SEMA5B: variants seen among roughly 807,000 people sequenced by gnomAD.
The protein encoded by SEMA5B is semaphorin 5B.
A neutral mutation model predicts 135.0 loss-of-function variants in SEMA5B; 66 were observed. The observed-to-expected ratio is 0.49, with a 90% CI of 0.40 to 0.60. The LOEUF (loss-of-function observed/expected upper bound fraction) is 0.60. Among genes scored for constraint, SEMA5B ranks in the 20% least tolerant of loss-of-function variants. SEMA5B has a pLI of 0.00. For missense variants in SEMA5B, 1,501 were observed against 1,566.3 expected, an observed-to-expected ratio of 0.96 and a Z score of 0.70; for synonymous variants, 690 against 639.5, an observed-to-expected ratio of 1.08 and a Z score of -1.19.
At chr3:123,019,154 C>T (rs1258078316) in intron 1 of SEMA5B, among the ~76,000 whole-genome samples, 1 of 152,156 alleles carries the variant, frequency 6.6e-6, no homozygotes, top group Non-Finnish European at 1.5e-5. Context: ...AGAGTTAACA[C>T]CAAGAGGATT....
chr3:123,016,363 CA>C (rs1942556801), intron 1 of SEMA5B, among the ~76,000 whole-genome samples: 1 of 152,202 alleles, frequency 6.6e-6, no homozygotes. Flanking sequence ...CTCAAATGCA[CA>C]AATGTTCAAG....
At chr3:122,994,249 A>G (rs1355283525) in intron 1 of SEMA5B, among the ~76,000 whole-genome samples, 1 of 151,924 alleles carries the variant, frequency 6.6e-6, no homozygotes, top group Non-Finnish European at 1.5e-5. Context: ...TATAGTGGGG[A>G]GTAGAGGATA....
intron 1 of SEMA5B, among the ~76,000 whole-genome samples, chr3:122,966,536 T>TTTATTATTA (rs140866804): frequency 0.036 from 5,105 of 141,466 alleles, 270 homozygotes; most frequent in African/African-American, 0.12. Flanking sequence ...TGTAAGAATG[T>TTTATTATTA]TTATTATTAT....
intron 14 of SEMA5B, 31 bp downstream of exon 14, chr3:122,915,409 C>A (rs944558921): frequency 1.9e-6 from 3 of 1,574,482 alleles, no homozygotes; most frequent in African/African-American, 1.3e-5. Context: ...TGGTCCAAGG[C>A]AGACACCATG....
chr3:122,983,720 A>G (rs1459766800), intron 1 of SEMA5B, among the ~76,000 whole-genome samples: 2 of 31,802 alleles, frequency 6.3e-5, no homozygotes, highest in Admixed American at 8.6e-4. Flanking sequence ...TCGTCTCAAA[A>G]AAAAAAAAAA....
At chr3:122,981,601 G>T (rs1941522792) in intron 1 of SEMA5B, among the ~76,000 whole-genome samples, 1 of 152,198 alleles carries the variant, frequency 6.6e-6, no homozygotes, top group Non-Finnish European at 1.5e-5. Flanking sequence ...ACAGCACACC[G>T]AGGACAAAGC....
chr3:122,998,094 A>G (rs1193999292), intron 1 of SEMA5B, among the ~76,000 whole-genome samples: 1 of 152,166 alleles, frequency 6.6e-6, no homozygotes, highest in Non-Finnish European at 1.5e-5. Flanking sequence ...GATGCTGAGG[A>G]GCCTCACAGG....
intron 2 of SEMA5B, chr3:122,958,303 C>G (rs1314331969): frequency 6.6e-6 from 1 of 152,514 alleles, no homozygotes; most frequent in African/African-American, 2.4e-5. Flanking sequence ...CATTCAAAGT[C>G]TCCACTTGGC....
intron 1 of SEMA5B, among the ~76,000 whole-genome samples, chr3:122,970,106 C>T (rs770359084): frequency 2.6e-5 from 4 of 152,172 alleles, no homozygotes; most frequent in African/African-American, 9.7e-5. Flanking sequence ...AGAGCCCGGG[C>T]TGCAAATATG....
intron 9 of SEMA5B, among the ~76,000 whole-genome samples, chr3:122,923,977 A>G (rs988385445): frequency 1.3e-5 from 2 of 152,058 alleles, no homozygotes; most frequent in African/African-American, 2.4e-5. Context: ...CTTCTGTGCT[A>G]CTGCCTCCCT....
intron 12 of SEMA5B, among the ~76,000 whole-genome samples, chr3:122,916,357 T>G (rs192662697): frequency 6.6e-6 from 1 of 152,206 alleles, no homozygotes; most frequent in Non-Finnish European, 1.5e-5. Context: ...GCCTTACAGA[T>G]GGTTCTCAAC....
In SEMA5B at chr3:122,910,394, A is replaced by C. The variant is rs371441982; in HGVS notation, c.3298-93T>G. 4.6e-5 allele frequency: 61 copies of C among 1,337,988 alleles called. No homozygotes were observed. In the East Asian group the frequency reaches 7.1e-4, roughly 16 times the overall value. The allele number at this position is 1,337,988 out of a possible 1,614,324, so 82.9% of individuals were successfully genotyped here. On this transcript the variant is annotated intron_variant, in intron 22 of 22. Coordinates refer to ENST00000357599, the MANE Select transcript of SEMA5B (RefSeq NM_001031702.4). ...CAAGGAGTCCAGAAGCCAGCCGTGC[A>C]AGAACACTCAGACTGCGGATCCAGT...
At chr3:123,002,032 G>C (rs1942188202) in intron 1 of SEMA5B, among the ~76,000 whole-genome samples, 1 of 152,152 alleles carries the variant, frequency 6.6e-6, no homozygotes, top group Non-Finnish European at 1.5e-5. Flanking sequence ...AAATCAGCTA[G>C]ACAACCAAGG....
rs1236242806 is a variant in SEMA5B, at chr3:122,913,580, C to T, written c.2234G>A (p.Arg745Gln). 1.2e-6 allele frequency: 2 copies of T among 1,613,172 alleles called. No individual in the cohort carries two copies. The highest frequency in any genetic ancestry group is 2.2e-5 in the South Asian group (2 of 91,004). Reference protein sequence around the residue: ...SSNCGGGMQSRRRACENGNSC... With the variant: ...SSNCGGGMQSQRRACENGNSC... ...GTTGCCGTTCTCGCAGGCCCGACGCCGCGACTGCATGCCCCCTCCACAGTT... is the reference window on the plus strand; with the variant it reads ...GTTGCCGTTCTCGCAGGCCCGACGCTGCGACTGCATGCCCCCTCCACAGTT... The change falls in exon 16 of 23, where the codon CGG (arginine) becomes CAG (glutamine). Residue 745 changes from arginine to glutamine, a missense_variant. By Grantham distance (43) the Arg-to-Gln change is conservative. Around this residue, in one of 2 missense-constraint regions of SEMA5B, gnomAD observed 927 missense variants for 881.6 expected, o/e 1.05. Transcript: ENST00000357599.
At position 122,941,273 on chromosome 3, in the gene SEMA5B, G is replaced by A. The variant is rs567699900; in HGVS notation, c.429-1803C>T. Among the ~76,000 whole-genome samples the A allele has an allele frequency of 5.3e-5, 8 of 152,322 alleles. No homozygotes were observed. The South Asian group carries it at 1.7e-3, about 32-fold the overall frequency. On this transcript the variant is annotated intron_variant, in intron 4 of 22. Transcript: ENST00000357599. The stretch of plus-strand genomic sequence containing the variant: ...CCTAAGGGACCAGGTCTAGAATTGA[G>A]TTTCCCTGTCCATCTGAGGGCATAG...
chr3:122,954,758 G>T (rs1415625104), intron 2 of SEMA5B, among the ~76,000 whole-genome samples: 1 of 151,550 alleles, frequency 6.6e-6, no homozygotes, highest in African/African-American at 2.4e-5. Context: ...GGGGAAACTG[G>T]AACAGAAAAA....
chr3:122,912,006 C>T lies in SEMA5B; in HGVS notation c.2960G>A (p.Arg987Gln), dbSNP rs746255360. The part of the protein sequence containing the change: ...CTDDGAQSRS[R>Q]HCEELLPGSS... Reference sequence around the variant, plus strand: ...CCCTGGGAGGAGCTCCTCACAGTGCCGGCTTCGGCTCTGGGCTCCGTCGTC... The same window carrying T: ...CCCTGGGAGGAGCTCCTCACAGTGCTGGCTTCGGCTCTGGGCTCCGTCGTC... The change falls in exon 20 of 23, where the codon CGG becomes CAG. Residue 987 changes from arginine to glutamine, a missense_variant. By Grantham distance (43) the Arg-to-Gln change is conservative (BLOSUM62 1). This residue lies in a region of SEMA5B where 927 missense variants were observed against 881.6 expected (regional missense o/e 1.05). Transcript: ENST00000357599. 7 of 1,613,552 alleles carry T rather than the reference C, an allele frequency of 4.3e-6. No individual in the cohort carries two copies. The East Asian group carries it at 1.1e-4, about 26-fold the overall frequency.
At chr3:123,027,926 A>T (rs1350476047), upstream of SEMA5B, 3 of 151,892 alleles carry the variant, frequency 2.0e-5, no homozygotes, top group African/African-American at 7.3e-5. Flanking sequence ...GAGGAGCGCG[A>T]GGGGGCGCCC....
At chr3:122,987,574 T>C (rs1270902834) in intron 1 of SEMA5B, among the ~76,000 whole-genome samples, 3 of 152,124 alleles carry the variant, frequency 2.0e-5, no homozygotes. Flanking sequence ...CTCATGAAAA[T>C]CACTGAGGCA....
Sources: allele counts gnomAD v4.1 joint callset (sites outside exome capture counted in the v4.1 genomes callset), GRCh38; gene constraint gnomAD v4.1.1; regional missense constraint gnomAD v4.1.1; transcripts MANE v1.5; gene names NCBI Gene and HGNC (gene_info 2026-07-23, HGNC 2026-07-21).